CCDC27: variants seen among roughly 807,000 people sequenced by gnomAD.
The protein encoded by CCDC27 is coiled-coil domain-containing protein 27.
Under a neutral mutation model 80.3 loss-of-function variants are expected in CCDC27, and 80 were observed. The ratio of observed to expected loss-of-function variants is 1.00; its 90% confidence interval spans 0.83 to 1.20. The LOEUF (loss-of-function observed/expected upper bound fraction) is 1.20, where lower values mean the gene tolerates loss of function less well. Among genes scored for constraint, CCDC27 ranks in the 50% most tolerant of loss-of-function variants. The probability of loss-of-function intolerance (pLI) is 0.00; values close to 1 mark genes in which losing one functional copy is unlikely to be tolerated. For synonymous variants in CCDC27, 342 were observed against 334.3 expected, an observed-to-expected ratio of 1.02 and a Z score of -0.25; for missense variants, 815 against 809.4, an observed-to-expected ratio of 1.01 and a Z score of -0.08.
At position 3,767,475 on chromosome 1, in the gene CCDC27, G is replaced by A. The variant is rs368618837; in HGVS notation, c.1743+30G>A. On this transcript the variant is annotated intron_variant, in intron 10 of 11. Coordinates refer to ENST00000294600, the MANE Select transcript of CCDC27 (RefSeq NM_152492.3). The stretch of plus-strand genomic sequence containing the variant: ...GCCCAGCCCTTCCTCCTGAGGGTCT[G>A]TCCCAGCAGCTGGCGGCCGAGCACC... 100 of 1,578,654 alleles carry A rather than the reference G, an allele frequency of 6.3e-5. 1 individual carries two copies. In the African/African-American group the frequency reaches 1.1e-3, roughly 18 times the overall value.
Position 3,763,430 on chromosome 1 carries a change from A to C in CCDC27, c.1277A>C (p.Gln426Pro). The change falls in exon 7 of 12, where the codon CAG (glutamine) becomes CCG (proline). Residue 426 changes from glutamine (Q) to proline (P), a missense_variant. Transcript: ENST00000294600. This position sits in a 1 kb window ranked among gnomAD's most constrained non-coding sequence, Gnocchi z 7.5. ...TACGAGCAGGTCATCCTGGACTTCC[A>C]GTTCAACCTGGAGGCCACCAGGACC... is the stretch of plus-strand genomic sequence containing the variant. ...EEYEQVILDFQFNLEATRTRY... is the reference protein window; with the variant it reads ...EEYEQVILDFPFNLEATRTRY... The C allele has an allele frequency of 6.2e-7, 1 of 1,611,326 alleles. No homozygotes were observed. The highest frequency in any genetic ancestry group is 1.1e-5 in the South Asian group (1 of 90,850).
rs1643361229 is a variant in CCDC27, at chr1:3,771,455, A to C, written c.1903A>C (p.Lys635Gln). 1.2e-6 allele frequency: 2 copies of C among 1,614,100 alleles called. No homozygotes were observed. Among genetic ancestry groups the C allele is most frequent in the Non-Finnish European group, 1.7e-6 (2 of 1,179,996 alleles). The change falls in exon 12 of 12, where the codon AAA becomes CAA. Residue 635 changes from lysine (K) to glutamine (Q), a missense_variant. Physicochemically the swap from Lys to Gln is moderately conservative, Grantham distance 53 (BLOSUM62 1). Transcript: ENST00000294600. Reference sequence around the variant, plus strand: ...TAATCAGCTGAAGCAGAAAGGCGTCAAAGTGCCCCCCCTGCAACAGTCAGA... The same window carrying C: ...TAATCAGCTGAAGCAGAAAGGCGTCCAAGTGCCCCCCCTGCAACAGTCAGA... ...YYNQLKQKGV[K>Q]VPPLQQSEAF... is the part of the protein sequence containing the mutation.
chr1:3,762,951 T>C, intron 6 of CCDC27, 157 bp from the exon 7 acceptor site: 1 of 966,458 alleles, frequency 1.0e-6, no homozygotes, highest in Non-Finnish European at 1.5e-6. Context: ...TGGGCCACTG[T>C]TGGTGACCTT....
intron 8 of CCDC27, among the ~76,000 whole-genome samples, chr1:3,765,610 A>C (rs1476660524): frequency 3.9e-5 from 6 of 151,908 alleles, no homozygotes; most frequent in Non-Finnish European, 5.9e-5. Flanking sequence ...CTTTTTTTGA[A>C]GCGCACTCTT....
chr1:3,761,359 G>T lies in CCDC27; in HGVS notation c.790G>T (p.Ala264Ser), dbSNP rs1435100203. The change falls in exon 5 of 12, where the codon GCC becomes TCC. Residue 264 changes from alanine to serine, a missense_variant. Transcript: ENST00000294600. This position sits in a 1 kb window ranked among gnomAD's most constrained non-coding sequence, Gnocchi z 5.0. Reference protein sequence around the residue: ...EILLLQEEREALKMQLKCLLK... With the variant: ...EILLLQEERESLKMQLKCLLK... ...CCTGCTGCTCCAGGAGGAGAGGGAG[G>T]CCCTGAAGATGCAGCTGAAATGCCT... 1 of 1,614,154 alleles carries T rather than the reference G, an allele frequency of 6.2e-7. No homozygotes were observed. Among genetic ancestry groups the T allele is most frequent in the South Asian group, 1.1e-5 (1 of 91,086 alleles).
At chr1:3,767,689 T>C (rs1226511679) in intron 10 of CCDC27, among the ~76,000 whole-genome samples, 5 of 152,204 alleles carry the variant, frequency 3.3e-5, no homozygotes, top group African/African-American at 7.2e-5. Context: ...CGGAGCCCCA[T>C]GGGCAGGGCT....
At chr1:3,756,542 G>C (rs892868619) in intron 3 of CCDC27, 191 bp from the exon 4 acceptor site, 25 of 562,922 alleles carry the variant, frequency 4.4e-5, no homozygotes, top group Non-Finnish European at 6.6e-5. Flanking sequence ...GCGCCCCATC[G>C]TGTTCACAGC....
chr1:3,771,643 G>A lies in CCDC27; in HGVS notation c.*120G>A. The A allele has an allele frequency of 8.7e-7, 1 of 1,146,616 alleles. No homozygotes were observed. Among genetic ancestry groups the A allele is most frequent in the Non-Finnish European group, 1.2e-6 (1 of 813,694 alleles). The allele number at this position is 1,146,616 out of a possible 1,614,324, so 71.0% of individuals were successfully genotyped here. ...AGAATTAAACCCCGGTGTTGGCACT[G>A]TCCCACCTTTTTCTTCTCTGGGATC... On this transcript the variant is annotated 3_prime_UTR_variant, in exon 12 of 12. Transcript: ENST00000294600.
At chr1:3,752,899 C>G in intron 1 of CCDC27, 100 bp downstream of exon 1, 1 of 1,324,992 alleles carries the variant, frequency 7.5e-7, no homozygotes, top group Non-Finnish European at 1.0e-6. Flanking sequence ...AAGCATTCCA[C>G]AGGCCTTCTG....
At chr1:3,756,686 G>A (rs952255569) in intron 3 of CCDC27, 47 bp from the exon 4 acceptor site, 25 of 1,605,580 alleles carry the variant, frequency 1.6e-5, no homozygotes, top group African/African-American at 2.7e-5. Flanking sequence ...AGAGGAGCTC[G>A]GCAGGGAAGG....
rs758155423 is a variant in CCDC27 at position 3,761,324 on chromosome 1, A to G, written c.755A>G (p.Asp252Gly). 13 of 1,614,166 alleles carry G rather than the reference A, an allele frequency of 8.1e-6. No individual in the cohort carries two copies. In the South Asian group the frequency reaches 1.4e-4, roughly 18 times the overall value. Residue 252 changes from aspartate to glycine, a missense_variant, in exon 5 of 12, where the codon GAC (aspartate) becomes GGC (glycine). Transcript: ENST00000294600. This position sits in a 1 kb window ranked among gnomAD's most constrained non-coding sequence, Gnocchi z 5.0. ...SELEIQVQKK[D>G]EEILLLQEER... ...CTGGAGATACAGGTTCAGAAGAAAGACGAGGAGATCCTGCTGCTCCAGGAG... is the reference window on the plus strand; with the variant it reads ...CTGGAGATACAGGTTCAGAAGAAAGGCGAGGAGATCCTGCTGCTCCAGGAG...
At position 3,756,869 on chromosome 1, in the gene CCDC27, C is replaced by A. The variant is rs755622253; in HGVS notation, c.690C>A (p.Tyr230Ter). 1.2e-5 allele frequency: 20 copies of A among 1,613,150 alleles called. No homozygotes were observed. The highest frequency in any genetic ancestry group is 1.5e-5 in the Non-Finnish European group (18 of 1,179,834). ...GCCTGAGAAAGAGGATGCCCTGGTA[C>A]CTCTCAGTCATCCACGAGAAGGTAC... ...QSCLRKRMPW[Y>*]LSVIHEKDHC... The change falls in exon 4 of 12, where the codon TAC becomes TAA. Residue 230 changes from tyrosine (Y) to a stop codon, truncating the protein, a stop_gained. Coordinates refer to ENST00000294600, the MANE Select transcript of CCDC27 (RefSeq NM_152492.3). LOFTEE classifies it high-confidence loss of function.
rs535254336 is a variant in CCDC27 at position 3,760,680 on chromosome 1, C to A, written c.712-601C>A. ...AACATTTAGGGGACTTTCTAGTTAT[C>A]TTTCCTTCCAGAATATTCTGTTGGG... On this transcript the variant is annotated intron_variant, in intron 4 of 11. Coordinates refer to ENST00000294600, the MANE Select transcript of CCDC27 (RefSeq NM_152492.3). This position sits in a 1 kb window ranked among gnomAD's most constrained non-coding sequence, Gnocchi z 4.3. 6.6e-6 allele frequency among the ~76,000 whole-genome samples: 1 copy of A among 152,328 alleles called. No homozygotes were observed. The highest frequency in any genetic ancestry group is 1.9e-4 in the East Asian group (1 of 5,188).
rs143408613 is a variant in CCDC27, at chr1:3,761,419, C to T, written c.850C>T (p.Pro284Ser). 6.4e-4 allele frequency: 1,031 copies of T among 1,613,722 alleles called. 6 individuals are homozygous for T. In the African/African-American group the frequency reaches 0.012, roughly 19 times the overall value. Residue 284 changes from proline (P) to serine (S), a missense_variant, in exon 5 of 12, where the codon CCA becomes TCA. Pro to Ser is a moderately conservative substitution (Grantham distance 74). Coordinates refer to ENST00000294600, the MANE Select transcript of CCDC27 (RefSeq NM_152492.3). This position sits in a 1 kb window ranked among gnomAD's most constrained non-coding sequence, Gnocchi z 5.0. ...CAAAGGCCAAGAGACATCCATGTCC[C>T]CAGGCAGGAGGGTGAGCCAGCCCCA... is the stretch of plus-strand genomic sequence containing the variant. ...KGKGQETSMS[P>S]GRREQLSDAS...
In CCDC27 at chr1:3,763,175, A is replaced by T; in HGVS notation, c.1022A>T (p.Glu341Val). ...EPDLGGGEED[E>V]GLEGEPDGVE... ...GACCTGGGAGGTGGCGAGGAGGACG[A>T]GGGCCTGGAAGGGGAGCCCGATGGG... The change falls in exon 7 of 12, where the codon GAG (glutamate) becomes GTG (valine). Residue 341 changes from glutamate (E) to valine (V), a missense_variant. Glu to Val is a moderately radical substitution (Grantham distance 121). Coordinates refer to ENST00000294600, the MANE Select transcript of CCDC27 (RefSeq NM_152492.3). The surrounding 1 kb of genome is among the most constrained non-coding windows in gnomAD (Gnocchi z 7.5). 8.6e-6 allele frequency: 13 copies of T among 1,504,406 alleles called. No homozygotes were observed. The highest frequency in any genetic ancestry group is 1.2e-5 in the Non-Finnish European group (13 of 1,124,138). 93.2% of individuals were successfully genotyped at this position (1,504,406 alleles called of 1,614,324 possible).
intron 4 of CCDC27, 49 bp downstream of exon 4, chr1:3,756,939 G>A (rs373942240): frequency 4.5e-5 from 71 of 1,571,800 alleles, no homozygotes; most frequent in South Asian, 2.1e-4. Flanking sequence ...CTCTCTCTGC[G>A]TCCGGCTGGG....
chr1:3,766,497 TG>T lies in CCDC27; in HGVS notation c.1453-35del, dbSNP rs760516433. ...CGGAATTCAGTCTGTTATCTAAACCTGGGAGTCCCCCAAGCCAACCCTTCTG... is the reference window on the plus strand; with the variant it reads ...CGGAATTCAGTCTGTTATCTAAACCTGGAGTCCCCCAAGCCAACCCTTCTG... On this transcript the variant is annotated intron_variant, in intron 8 of 11. Transcript: ENST00000294600. This position sits in a 1 kb window ranked among gnomAD's most constrained non-coding sequence, Gnocchi z 6.1. The T allele has an allele frequency of 1.0e-5, 15 of 1,481,304 alleles. No homozygotes were observed. In the South Asian group the frequency reaches 1.6e-4, roughly 16 times the overall value. The allele number at this position is 1,481,304 out of a possible 1,614,324, so 91.8% of individuals were successfully genotyped here.
In CCDC27 at chr1:3,763,330, G is replaced by C; in HGVS notation, c.1177G>C (p.Glu393Gln). Residue 393 changes from glutamate (E) to glutamine (Q), a missense_variant, in exon 7 of 12, where the codon GAG becomes CAG. By Grantham distance (29) the Glu-to-Gln change is conservative. Transcript: ENST00000294600. This position sits in a 1 kb window ranked among gnomAD's most constrained non-coding sequence, Gnocchi z 7.5. ...DSEERELPEE[E>Q]EIPRRRASSL... ...AGAGGAAAGGGAGCTGCCGGAGGAA[G>C]AGGAGATCCCCAGGAGAAGGGCCTC... is the stretch of plus-strand genomic sequence containing the variant. The C allele has an allele frequency of 6.2e-7, 1 of 1,612,770 alleles. No homozygotes were observed. Among genetic ancestry groups the C allele is most frequent in the South Asian group, 1.1e-5 (1 of 90,942 alleles).
chr1:3,771,369 AG>A (rs1211140555), intron 11 of CCDC27, 31 bp from the exon 12 acceptor site: 2 of 1,613,108 alleles, frequency 1.2e-6, no homozygotes, highest in Non-Finnish European at 1.7e-6. Flanking sequence ...GGAACTGGGA[AG>A]GCCACCTCGA....
Sources: gnomAD v4.1 joint callset for allele counts (sites outside exome capture counted in the v4.1 genomes callset) on GRCh38, gnomAD v4.1.1 for gene constraint, Gnocchi (gnomAD v3.1) non-coding constraint, MANE v1.5 for transcripts, NCBI Gene and HGNC (gene_info 2026-07-23, HGNC 2026-07-21) for gene names.